The following RANBP17 variants were observed in gnomAD, a reference collection of about 807,000 sequenced individuals.
RANBP17 encodes the protein ran-binding protein 17.
A neutral mutation model predicts 141.2 loss-of-function variants in RANBP17; 158 were observed. The ratio of observed to expected loss-of-function variants is 1.12; its 90% CI spans 0.98 to 1.28. The LOEUF (loss-of-function observed/expected upper bound fraction) is 1.28, where lower values mean the gene tolerates loss of function less well. Ranked by LOEUF, RANBP17 falls within the 50% of genes most tolerant of loss-of-function variation. RANBP17 has a pLI of 0.00. For missense variants in RANBP17, 1,438 were observed against 1,290.7 expected (o/e 1.11, Z -1.75); for synonymous variants, 430 against 450.0 (o/e 0.96, Z 0.56).
At chr5:170,983,648 GAGTAT>G (rs1561956872) in intron 14 of RANBP17, among the ~76,000 whole-genome samples, 1 of 152,160 alleles carries the variant, frequency 6.6e-6, no homozygotes, top group Non-Finnish European at 1.5e-5. Context: ...ATATGGAGAG[GAGTAT>G]GTCAGAGGAT....
At chr5:171,252,921 G>A in intron 24 of RANBP17, 1 of 1,468,622 alleles carries the variant, frequency 6.8e-7, no homozygotes, top group African/African-American at 1.4e-5. Flanking sequence ...AAGTCTACGG[G>A]CTGACATCAG....
intron 21 of RANBP17, among the ~76,000 whole-genome samples, chr5:171,219,661 C>T (rs372952301): frequency 6.6e-5 from 10 of 151,614 alleles, no homozygotes; most frequent in African/African-American, 2.4e-4. Context: ...CTCTGATATC[C>T]TTTCTTCTGC....
Position 171,030,749 on chromosome 5 carries a change from G to A in RANBP17, c.1710+62372G>A, listed in dbSNP as rs1025442757. Among the ~76,000 whole-genome samples the A allele has an allele frequency of 8.6e-5, 13 of 151,954 alleles. No individual in the cohort carries two copies. In the East Asian group the frequency reaches 9.6e-4, roughly 11 times the overall value. On this transcript the variant is annotated intron_variant, in intron 14 of 27. Coordinates refer to ENST00000523189, the MANE Select transcript of RANBP17 (RefSeq NM_022897.5). ...ATCTGTATTGTAATGAACTCAGTAG[G>A]CATGTTTCAAAGACTTAGGAAGTAG...
chr5:170,991,448 A>T (rs1211026991), intron 14 of RANBP17, among the ~76,000 whole-genome samples: 3 of 151,952 alleles, frequency 2.0e-5, no homozygotes, highest in Admixed American at 2.0e-4. Context: ...TCGGGTAGTC[A>T]GGATGGAGAA....
chr5:170,919,745 A>G lies in RANBP17; in HGVS notation c.1274+132A>G, dbSNP rs1179108331. On this transcript the variant is annotated intron_variant, in intron 11 of 27. Coordinates refer to ENST00000523189, the MANE Select transcript of RANBP17 (RefSeq NM_022897.5). The stretch of plus-strand genomic sequence containing the variant: ...ATTTCTGACAAGTGCACACAATTGT[A>G]TAACTACCATCACAATTGAGATATA... The G allele has an allele frequency of 3.2e-5, 19 of 597,740 alleles. No individual in the cohort carries two copies. In the East Asian group the frequency reaches 4.1e-4, roughly 13 times the overall value. 37.0% of individuals were successfully genotyped at this position (597,740 alleles called of 1,614,324 possible). A position where few individuals can be genotyped will look rare whatever the true frequency, so the allele number is the denominator to read the frequency against.
rs897795339 is a variant in RANBP17 at position 171,012,372 on chromosome 5, T to C, written c.1710+43995T>C. On this transcript the variant is annotated intron_variant, in intron 14 of 27. Transcript: ENST00000523189. Reference sequence around the variant, plus strand: ...AGGAAATGAACTGATATTTAGTATTTATCCAAGGTAAAATTCTATAGCTGT... The same window carrying C: ...AGGAAATGAACTGATATTTAGTATTCATCCAAGGTAAAATTCTATAGCTGT... Among the ~76,000 whole-genome samples the C allele has an allele frequency of 3.9e-5, 6 of 152,040 alleles. No homozygotes were observed. In the South Asian group the frequency reaches 1.2e-3, roughly 32 times the overall value.
intron 24 of RANBP17, among the ~76,000 whole-genome samples, chr5:171,258,898 ACTGAAT>A (rs1766101100): frequency 6.6e-6 from 1 of 152,192 alleles, no homozygotes; most frequent in Admixed American, 6.5e-5. Context: ...TAAACTAAAA[ACTGAAT>A]CACAAAAGAA....
At chr5:171,005,256 A>G (rs371155456) in intron 14 of RANBP17, among the ~76,000 whole-genome samples, 3 of 152,172 alleles carry the variant, frequency 2.0e-5, no homozygotes, top group Admixed American at 6.5e-5. Context: ...TAAAGTTCAT[A>G]TGGAACCAAA....
intron 3 of RANBP17, among the ~76,000 whole-genome samples, chr5:170,892,129 C>CTTTT (rs143842890): frequency 7.6e-6 from 1 of 131,908 alleles, no homozygotes; most frequent in African/African-American, 2.8e-5. Context: ...TCACAAAATT[C>CTTTT]TTTTTTTTTT....
At chr5:171,278,314 C>T (rs371879309) in intron 25 of RANBP17, among the ~76,000 whole-genome samples, 4 of 152,062 alleles carry the variant, frequency 2.6e-5, no homozygotes, top group East Asian at 1.9e-4. Flanking sequence ...GTCAGGAGTT[C>T]GAGACCAGCC....
chr5:171,196,276 T>C (rs1270208133), intron 18 of RANBP17, among the ~76,000 whole-genome samples: 1 of 152,174 alleles, frequency 6.6e-6, no homozygotes, highest in African/African-American at 2.4e-5. Flanking sequence ...CATTACTGTA[T>C]TTATAGTATT....
intron 3 of RANBP17, among the ~76,000 whole-genome samples, chr5:170,889,366 A>C (rs192874076): frequency 6.6e-6 from 1 of 151,924 alleles, no homozygotes; most frequent in African/African-American, 2.4e-5. Flanking sequence ...TTGATAGCAC[A>C]CTCTAAAAGA....
intron 14 of RANBP17, among the ~76,000 whole-genome samples, chr5:171,151,834 C>T (rs902255068): frequency 1.3e-5 from 2 of 152,168 alleles, no homozygotes; most frequent in Admixed American, 6.5e-5. Flanking sequence ...AACCTAACTA[C>T]CTTTCTTCAG....
At chr5:171,036,416 C>T (rs1781884831) in intron 14 of RANBP17, among the ~76,000 whole-genome samples, 1 of 151,002 alleles carries the variant, frequency 6.6e-6, no homozygotes, top group Non-Finnish European at 1.5e-5. Flanking sequence ...CTACTTTTTC[C>T]TTTTGTTCTT....
chr5:171,008,136 C>G (rs576652961), intron 14 of RANBP17, among the ~76,000 whole-genome samples: 2 of 152,288 alleles, frequency 1.3e-5, no homozygotes, highest in East Asian at 3.9e-4. Flanking sequence ...GAATCTGTGA[C>G]CGGTGCCGGA....
At chr5:171,090,197 G>A (rs941578348) in intron 14 of RANBP17, among the ~76,000 whole-genome samples, 1 of 152,192 alleles carries the variant, frequency 6.6e-6, no homozygotes, top group Admixed American at 6.5e-5. Flanking sequence ...CCAAAATGCT[G>A]ATAATGATAT....
In RANBP17 at chr5:171,214,176, C is replaced by T. The variant is rs114839923; in HGVS notation, c.2339+438C>T. Among the ~76,000 whole-genome samples, 786 of 152,210 alleles carry T rather than the reference C, an allele frequency of 5.2e-3. 9 individuals carry two copies. The highest frequency in any genetic ancestry group is 0.018 in the African/African-American group (755 of 41,546). ...ATTCAATTCATGGGAACATAGTTTG[C>T]CTCAGAAGCTCTGGGAATTATTCCT... is the stretch of plus-strand genomic sequence containing the variant. On this transcript the variant is annotated intron_variant, in intron 21 of 27. Transcript: ENST00000523189.
chr5:171,190,068 C>A (rs560050632), intron 18 of RANBP17, among the ~76,000 whole-genome samples: 1 of 151,542 alleles, frequency 6.6e-6, no homozygotes. Flanking sequence ...TACTTTCTTG[C>A]AAAAGTGTTG....
chr5:171,236,035 T>C (rs1764524501), intron 22 of RANBP17, among the ~76,000 whole-genome samples: 1 of 152,340 alleles, frequency 6.6e-6, no homozygotes, highest in Non-Finnish European at 1.5e-5. Flanking sequence ...AAGGGAAATA[T>C]TATATTCCCT....
Sources: gnomAD v4.1 joint callset for allele counts (sites outside exome capture counted in the v4.1 genomes callset) on GRCh38, gnomAD v4.1.1 for gene constraint, MANE v1.5 for transcripts, NCBI Gene and HGNC (gene_info 2026-07-23, HGNC 2026-07-21) for gene names.